Variants in KHDRBS2 observed in about 807,000 individuals in gnomAD.
KHDRBS2 encodes the protein KH domain-containing, RNA-binding, signal transduction-associated protein 2.
Under a neutral mutation model 44.3 loss-of-function variants are expected in KHDRBS2, and 26 were observed. That is an observed-to-expected ratio of 0.59 (90% CI 0.43 to 0.81). The LOEUF is 0.81. KHDRBS2 is among the 40% of genes least tolerant of loss of function. The pLI, the probability that KHDRBS2 is intolerant of heterozygous loss-of-function variation, is 0.00. For missense variants in KHDRBS2, 476 were observed against 433.1 expected, an observed-to-expected ratio of 1.10 and a Z score of -0.88; for synonymous variants, 194 against 151.1, an observed-to-expected ratio of 1.28 and a Z score of -2.08.
chr6:61,675,366 C>A (rs538642856), downstream of KHDRBS2, among the ~76,000 whole-genome samples: 390 of 151,776 alleles, frequency 2.6e-3, no homozygotes, highest in Non-Finnish European at 4.3e-3. Context: ...AGTGCTTCAA[C>A]TGTTATTAAG....
the KHDRBS2 span, among the ~76,000 whole-genome samples, chr6:61,661,822 C>T: frequency 9.9e-4 from 150 of 152,054 alleles, no homozygotes; most frequent in African/African-American, 3.5e-3. Context: ...GCCATACTGC[C>T]TAAGGTAATT....
At chr6:61,545,653 A>T in the KHDRBS2 span, among the ~76,000 whole-genome samples, 3 of 151,956 alleles carry the variant, frequency 2.0e-5, no homozygotes, top group African/African-American at 7.2e-5. Context: ...ATAAACTGAG[A>T]TCCTCTCTGT....
chr6:62,030,800 T>C (rs1273747093), intron 3 of KHDRBS2, among the ~76,000 whole-genome samples: 1 of 152,126 alleles, frequency 6.6e-6, no homozygotes, highest in Non-Finnish European at 1.5e-5. Context: ...CCAAATACTC[T>C]ACTGTGAAAA....
At chr6:61,556,048 G>A in the KHDRBS2 span, among the ~76,000 whole-genome samples, 1 of 152,184 alleles carries the variant, frequency 6.6e-6, no homozygotes, top group African/African-American at 2.4e-5. Flanking sequence ...GTCACCTGGG[G>A]CCACTGGTGG....
intron 7 of KHDRBS2, among the ~76,000 whole-genome samples, chr6:61,704,544 A>C (rs939723482): frequency 1.3e-5 from 2 of 151,802 alleles, no homozygotes; most frequent in African/African-American, 4.8e-5. Context: ...GAGGGGCTCA[A>C]TATTCAATCT....
At chr6:61,851,307 G>GTA (rs760312341) in intron 6 of KHDRBS2, among the ~76,000 whole-genome samples, 19 of 151,756 alleles carry the variant, frequency 1.3e-4, no homozygotes, top group East Asian at 5.8e-4. Context: ...ATATATATGT[G>GTA]TATATATATA....
At chr6:61,808,141 A>C (rs1238814647) in intron 6 of KHDRBS2, among the ~76,000 whole-genome samples, 1 of 152,164 alleles carries the variant, frequency 6.6e-6, no homozygotes, top group Non-Finnish European at 1.5e-5. Flanking sequence ...ATGATTTTAA[A>C]TATATAAAGT....
intron 6 of KHDRBS2, among the ~76,000 whole-genome samples, chr6:61,737,789 G>A (rs545080532): frequency 7.2e-5 from 11 of 152,150 alleles, no homozygotes; most frequent in South Asian, 2.1e-4. Context: ...CTCATAAGAC[G>A]TAGGGAAGAG....
At chr6:62,048,338 T>C (rs562527109) in intron 2 of KHDRBS2, among the ~76,000 whole-genome samples, 1 of 151,890 alleles carries the variant, frequency 6.6e-6, no homozygotes, top group Non-Finnish European at 1.5e-5. Context: ...TTCTAAAGGC[T>C]TTTTCTCTCA....
chr6:61,687,999 A>G (rs971212877), intron 8 of KHDRBS2, among the ~76,000 whole-genome samples: 4 of 151,830 alleles, frequency 2.6e-5, no homozygotes, highest in Admixed American at 1.3e-4. Context: ...CCTGTCCTAT[A>G]CATTATTGTA....
intron 2 of KHDRBS2, among the ~76,000 whole-genome samples, chr6:62,100,201 T>A (rs375466398): frequency 4.6e-5 from 7 of 152,224 alleles, no homozygotes; most frequent in Admixed American, 1.3e-4. Flanking sequence ...AGCAAGAGAA[T>A]TATAATTAGA....
chr6:61,741,705 C>G (rs555060375), intron 6 of KHDRBS2, among the ~76,000 whole-genome samples: 2 of 151,840 alleles, frequency 1.3e-5, no homozygotes, highest in Non-Finnish European at 2.9e-5. Context: ...TTCAACCTAA[C>G]ACTAATATTA....
chr6:61,632,602 T>G, the KHDRBS2 span, among the ~76,000 whole-genome samples: 1 of 152,298 alleles, frequency 6.6e-6, no homozygotes, highest in Admixed American at 6.5e-5. Flanking sequence ...TGGCATATTC[T>G]TGATTGCATG....
chr6:61,903,888 G>T (rs1408684738), intron 4 of KHDRBS2, among the ~76,000 whole-genome samples: 1 of 152,178 alleles, frequency 6.6e-6, no homozygotes, highest in African/African-American at 2.4e-5. Flanking sequence ...AAACATAACA[G>T]TGAGGATTGA....
intron 1 of KHDRBS2, among the ~76,000 whole-genome samples, chr6:62,179,744 G>A (rs1284761398): frequency 6.6e-6 from 1 of 151,714 alleles, no homozygotes; most frequent in Non-Finnish European, 1.5e-5. Flanking sequence ...TTAGACATCT[G>A]CAATTTGATC....
At position 61,945,780 on chromosome 6, in the gene KHDRBS2, A is replaced by G. The variant is rs1813240088; in HGVS notation, c.483+32286T>C. Among the ~76,000 whole-genome samples, 6 of 152,192 alleles carry G rather than the reference A, an allele frequency of 3.9e-5. No homozygotes were observed. The South Asian group carries it at 1.2e-3, about 32-fold the overall frequency. The stretch of plus-strand genomic sequence containing the variant: ...AAGCAAAAACCCATGAAAAAAAAAT[A>G]TGACAGGATTCCTAAAATAGTAACA... On this transcript the variant is annotated intron_variant, in intron 4 of 8. Coordinates refer to ENST00000281156, the MANE Select transcript of KHDRBS2 (RefSeq NM_152688.4).
chr6:61,950,025 GGTT>G (rs1562499722), intron 4 of KHDRBS2, among the ~76,000 whole-genome samples: 1 of 151,954 alleles, frequency 6.6e-6, no homozygotes, highest in East Asian at 1.9e-4. Flanking sequence ...TCTGAAAGCT[GGTT>G]GTTGTTATTT....
At chr6:61,945,113 GTATATATATATATA>G (rs61105265) in intron 4 of KHDRBS2, among the ~76,000 whole-genome samples, 54 of 14,994 alleles carry the variant, frequency 3.6e-3, no homozygotes, top group African/African-American at 0.013. Context: ...AAAAAAAAAA[GTATATATATATATA>G]TATATATATA....
rs1274037854 is a variant in KHDRBS2 at position 61,955,518 on chromosome 6, A to ATG, written c.483+22546_483+22547dup. Among the ~76,000 whole-genome samples, 9 of 53,394 alleles carry ATG rather than the reference A, an allele frequency of 1.7e-4. 4 individuals are homozygous for ATG. In the East Asian group the frequency reaches 2.7e-3, roughly 16 times the overall value. 35.0% of individuals were successfully genotyped at this position (53,394 alleles called of 152,430 possible). ...TACATGTGTATATATACACATATGT[A>ATG]TGTATGTATACATGTGTATATATAC... On this transcript the variant is annotated intron_variant, in intron 4 of 8. Transcript: ENST00000281156.
Sources: gnomAD v4.1 joint callset for allele counts (sites outside exome capture counted in the v4.1 genomes callset) on GRCh38, gnomAD v4.1.1 for gene constraint, MANE v1.5 for transcripts, NCBI Gene and HGNC (gene_info 2026-07-23, HGNC 2026-07-21) for gene names.